The following SRFBP1 variants were observed in gnomAD, a reference collection of about 807,000 sequenced individuals.
The protein encoded by SRFBP1 is serum response factor-binding protein 1.
A neutral mutation model predicts 45.5 loss-of-function variants in SRFBP1; 47 were observed. The ratio of observed to expected loss-of-function variants is 1.03; its 90% CI spans 0.82 to 1.32. The LOEUF is 1.32. SRFBP1 is among the 40% of genes most tolerant of loss of function. The pLI is 0.00. For synonymous variants in SRFBP1, 203 were observed against 166.3 expected (o/e 1.22, Z -1.70); for missense variants, 621 against 484.6 (o/e 1.28, Z -2.64).
At chr5:121,979,474 T>C (rs946537318) in intron 3 of SRFBP1, among the ~76,000 whole-genome samples, 2 of 152,224 alleles carry the variant, frequency 1.3e-5, no homozygotes, top group Non-Finnish European at 1.5e-5. Context: ...CTGTGTTAAT[T>C]AGCTATGTCA....
At chr5:121,975,454 G>C in intron 3 of SRFBP1, 67 bp downstream of exon 3, 3 of 1,563,342 alleles carry the variant, frequency 1.9e-6, no homozygotes, top group African/African-American at 2.7e-5. Context: ...CATTTTGTTT[G>C]TGTGTGGTAT....
rs150115675 is a variant in SRFBP1 at position 121,979,326 on chromosome 5, A to G, written c.198+3939A>G. 9.5e-3 allele frequency among the ~76,000 whole-genome samples: 1,444 copies of G among 152,268 alleles called. 25 individuals carry two copies. The highest frequency in any genetic ancestry group is 0.032 in the African/African-American group (1,347 of 41,552). ...AATTTTGTGATATTTCTGGTTATAT[A>G]TGCTTTTTTAAAAGTTACCAAGTTT... On this transcript the variant is annotated intron_variant, in intron 3 of 7. Transcript: ENST00000339397.
At chr5:122,051,324 T>G (rs781423324) in intron 2 of SRFBP1, among the ~76,000 whole-genome samples, 1 of 152,106 alleles carries the variant, frequency 6.6e-6, no homozygotes, top group Non-Finnish European at 1.5e-5. Context: ...TTTTTCTGCC[T>G]CAATAATCTG....
At chr5:122,077,866 G>T (rs1487006352), downstream of SRFBP1, 2 of 1,535,244 alleles carry the variant, frequency 1.3e-6, no homozygotes, top group East Asian at 2.5e-5. This position sits in a 1 kb window ranked among gnomAD's most constrained non-coding sequence, Gnocchi z 4.9. Flanking sequence ...GGCGCCAGGC[G>T]CCCGGAGCCG....
chr5:122,057,725 G>A (rs1302995742), intron 2 of SRFBP1, among the ~76,000 whole-genome samples: 1 of 152,020 alleles, frequency 6.6e-6, no homozygotes, highest in Non-Finnish European at 1.5e-5. Context: ...AAACTCTGAT[G>A]GAGAATTTTA....
At chr5:121,967,787 C>G (rs995077371) in intron 1 of SRFBP1, among the ~76,000 whole-genome samples, 1 of 152,098 alleles carries the variant, frequency 6.6e-6, no homozygotes, top group Admixed American at 6.6e-5. Flanking sequence ...TGTGATGAGT[C>G]GAGATCACAC....
intron 1 of SRFBP1, among the ~76,000 whole-genome samples, chr5:121,969,674 G>T (rs1461145102): frequency 6.6e-6 from 1 of 151,972 alleles, no homozygotes; most frequent in Non-Finnish European, 1.5e-5. Flanking sequence ...TATATTCGCT[G>T]GGTATGTAAG....
At chr5:122,078,814 A>G (rs182860280), downstream of SRFBP1, among the ~76,000 whole-genome samples, 329 of 152,362 alleles carry the variant, frequency 2.2e-3, 2 homozygotes, top group African/African-American at 7.6e-3. Context: ...TGTAGGTAAT[A>G]TGAGAAATGG....
chr5:122,069,062 T>C (rs1754381649), intron 2 of SRFBP1, among the ~76,000 whole-genome samples: 3 of 152,092 alleles, frequency 2.0e-5, no homozygotes, highest in Admixed American at 1.3e-4. Context: ...GTGCTATCCT[T>C]TTGCTATCAC....
At chr5:122,037,230 G>A (rs74599443) in intron 2 of SRFBP1, among the ~76,000 whole-genome samples, 1 of 152,068 alleles carries the variant, frequency 6.6e-6, no homozygotes, top group Non-Finnish European at 1.5e-5. Context: ...TGAGCCTCAG[G>A]GTGGTCTTAG....
chr5:121,996,034 C>G (rs1402952580), intron 4 of SRFBP1, among the ~76,000 whole-genome samples: 3 of 151,546 alleles, frequency 2.0e-5, no homozygotes, highest in East Asian at 1.9e-4. Flanking sequence ...GCTTACCAAC[C>G]AAAAAGAGTC....
intron 2 of SRFBP1, among the ~76,000 whole-genome samples, chr5:122,034,442 G>A (rs957848717): frequency 2.0e-5 from 3 of 151,040 alleles, no homozygotes; most frequent in African/African-American, 7.3e-5. Flanking sequence ...AATGCCCTTA[G>A]CGCCCCCCCC....
At chr5:121,970,292 G>A (rs560063601) in intron 1 of SRFBP1, among the ~76,000 whole-genome samples, 29 of 152,160 alleles carry the variant, frequency 1.9e-4, no homozygotes, top group Non-Finnish European at 3.5e-4. Context: ...AATTGGAGAC[G>A]AGCTTTGTTA....
At chr5:122,004,650 T>A (rs1053556999) in intron 4 of SRFBP1, among the ~76,000 whole-genome samples, 11 of 152,148 alleles carry the variant, frequency 7.2e-5, no homozygotes, top group Non-Finnish European at 5.9e-5. Flanking sequence ...TTCTCACGTC[T>A]CTCTCATCTG....
At chr5:121,999,045 T>A (rs562940598) in intron 4 of SRFBP1, among the ~76,000 whole-genome samples, 1 of 152,334 alleles carries the variant, frequency 6.6e-6, no homozygotes, top group South Asian at 2.1e-4. Flanking sequence ...TGATTTGTGT[T>A]TTTTTCTGGT....
At chr5:122,073,871 CA>C (rs1754530177) in intron 2 of SRFBP1, 1 of 718,172 alleles carries the variant, frequency 1.4e-6, no homozygotes, top group South Asian at 2.1e-5. Context: ...ATATCATCTA[CA>C]GTTTTCTTTG....
chr5:121,998,663 A>AT (rs1050645679), intron 4 of SRFBP1, among the ~76,000 whole-genome samples: 6 of 1,262 alleles, frequency 4.8e-3, no homozygotes, highest in South Asian at 0.25. Flanking sequence ...CTTAAAGTAT[A>AT]AAAAAAAAAA....
intron 1 of SRFBP1, among the ~76,000 whole-genome samples, chr5:121,962,276 C>G (rs1401285377): frequency 6.6e-6 from 1 of 152,174 alleles, no homozygotes; most frequent in East Asian, 1.9e-4. Flanking sequence ...GTGTCAGGCC[C>G]CACGAATTTA....
Position 122,020,648 on chromosome 5 carries a change from A to T in SRFBP1, c.913A>T (p.Lys305Ter). The T allele has an allele frequency of 1.2e-6, 2 of 1,614,066 alleles. No homozygotes were observed. The highest frequency in any genetic ancestry group is 1.7e-6 in the Non-Finnish European group (2 of 1,179,976). ...GGAAAGTAGTTGTCATTCTTCAGTT[A>T]AGGAACAAAAACCACTAGAAAAAGT... ...KKESSCHSSV[K>*]EQKPLEKVFL... Residue 305 changes from lysine to a stop codon, truncating the protein, a stop_gained, in exon 6 of 8, where the codon AAG (lysine) becomes TAG (stop). Transcript: ENST00000339397. LOFTEE classifies it high-confidence loss of function.
Sources: gnomAD v4.1 joint callset for allele counts (sites outside exome capture counted in the v4.1 genomes callset) on GRCh38, gnomAD v4.1.1 for gene constraint, Gnocchi (gnomAD v3.1) non-coding constraint, MANE v1.5 for transcripts, NCBI Gene and HGNC (gene_info 2026-07-23, HGNC 2026-07-21) for gene names.